CDH9: variants seen among roughly 807,000 people sequenced by gnomAD.
The protein encoded by CDH9 is cadherin 9.
In CDH9, 28 loss-of-function variants were observed where a neutral mutation model predicts 70.9. That is an observed-to-expected ratio of 0.40 (90% CI 0.29 to 0.54). CDH9 has a LOEUF of 0.54. Ranked by LOEUF, CDH9 falls within the 20% of genes least tolerant of loss-of-function variation. The pLI, the probability that CDH9 is intolerant of heterozygous loss-of-function variation, is 0.59. For missense variants in CDH9, 874 were observed against 984.4 expected, an observed-to-expected ratio of 0.89 and a Z score of 1.50; for synonymous variants, 409 against 343.1, an observed-to-expected ratio of 1.19 and a Z score of -2.12.
intron 2 of CDH9, among the ~76,000 whole-genome samples, chr5:26,953,971 A>C (rs1351607384): frequency 6.6e-6 from 1 of 150,896 alleles, no homozygotes; most frequent in Non-Finnish European, 1.5e-5. Flanking sequence ...CATAGATCAA[A>C]AAAATAAATA....
intron 1 of CDH9, among the ~76,000 whole-genome samples, chr5:27,000,122 G>A (rs1025807406): frequency 6.6e-6 from 1 of 152,052 alleles, no homozygotes; most frequent in African/African-American, 2.4e-5. Flanking sequence ...GAAAATATTT[G>A]TAACACATAT....
At chr5:26,982,722 T>G (rs1742419861) in intron 2 of CDH9, among the ~76,000 whole-genome samples, 1 of 152,022 alleles carries the variant, frequency 6.6e-6, no homozygotes, top group Admixed American at 6.6e-5. Flanking sequence ...GGAGTCTTGC[T>G]CCATCGCCCA....
At chr5:26,912,629 A>G (rs1433541018) in intron 3 of CDH9, among the ~76,000 whole-genome samples, 1 of 152,002 alleles carries the variant, frequency 6.6e-6, no homozygotes, top group Non-Finnish European at 1.5e-5. Flanking sequence ...AATAAATAAG[A>G]AAGATACTAA....
At chr5:26,994,568 G>GT (rs551273557) in intron 1 of CDH9, among the ~76,000 whole-genome samples, 560 of 147,634 alleles carry the variant, frequency 3.8e-3, no homozygotes, top group South Asian at 6.3e-3. Flanking sequence ...TGTTTGTTTT[G>GT]TTTTTTTTTG....
At chr5:26,938,164 T>A (rs1445478674) in intron 2 of CDH9, among the ~76,000 whole-genome samples, 1 of 150,484 alleles carries the variant, frequency 6.6e-6, no homozygotes, top group Non-Finnish European at 1.5e-5. Context: ...AAAAATCTAT[T>A]AATTCAAAAC....
chr5:26,958,592 G>A (rs140895647), intron 2 of CDH9, among the ~76,000 whole-genome samples: 2 of 151,992 alleles, frequency 1.3e-5, no homozygotes, highest in Non-Finnish European at 2.9e-5. Flanking sequence ...GAAAACTGGC[G>A]ACCTGTGAAT....
At chr5:27,030,257 A>C (rs1743289786) in intron 1 of CDH9, among the ~76,000 whole-genome samples, 1 of 151,840 alleles carries the variant, frequency 6.6e-6, no homozygotes, top group South Asian at 2.1e-4. Flanking sequence ...GATGGGGGAG[A>C]GGAGAGGAGG....
intron 1 of CDH9, among the ~76,000 whole-genome samples, chr5:27,000,209 G>A (rs927549823): frequency 6.6e-6 from 1 of 152,024 alleles, no homozygotes; most frequent in African/African-American, 2.4e-5. Context: ...ATCATCAAAA[G>A]TTCTGCAAAG....
At chr5:26,901,965 A>G (rs1421796106) in intron 7 of CDH9, among the ~76,000 whole-genome samples, 2 of 151,814 alleles carry the variant, frequency 1.3e-5, no homozygotes, top group East Asian at 3.9e-4. Flanking sequence ...AGGCCCAACA[A>G]TTTTCAAAAG....
At chr5:26,984,752 C>A (rs1561029013) in intron 2 of CDH9, among the ~76,000 whole-genome samples, 1 of 152,070 alleles carries the variant, frequency 6.6e-6, no homozygotes, top group African/African-American at 2.4e-5. Flanking sequence ...ATTATTATGA[C>A]TTTTTTTCCT....
At chr5:26,930,293 T>C (rs141308055) in intron 2 of CDH9, among the ~76,000 whole-genome samples, 7 of 152,212 alleles carry the variant, frequency 4.6e-5, no homozygotes, top group Admixed American at 4.6e-4. Context: ...GGAGATATAA[T>C]TGATAGCCAA....
intron 11 of CDH9, 89 bp downstream of exon 11, chr5:26,885,525 A>T: frequency 9.6e-7 from 1 of 1,045,990 alleles, no homozygotes; most frequent in Non-Finnish European, 1.4e-6. Context: ...CTTTATCTAT[A>T]GAGAAAATTG....
intron 2 of CDH9, among the ~76,000 whole-genome samples, chr5:26,940,398 A>G (rs1432468983): frequency 6.6e-6 from 1 of 152,302 alleles, no homozygotes; most frequent in East Asian, 1.9e-4. Flanking sequence ...TCTATTTAAA[A>G]TAATGCAAAA....
chr5:27,022,500 G>A (rs186063654), intron 1 of CDH9, among the ~76,000 whole-genome samples: 4 of 152,022 alleles, frequency 2.6e-5, no homozygotes, highest in East Asian at 3.9e-4. Flanking sequence ...CATATATAAC[G>A]AGTTCAGTCA....
At chr5:26,972,677 G>A (rs755796448) in intron 2 of CDH9, among the ~76,000 whole-genome samples, 5 of 152,032 alleles carry the variant, frequency 3.3e-5, no homozygotes, top group Non-Finnish European at 7.4e-5. Flanking sequence ...GCTTTTCAGC[G>A]GTCCTGTGAC....
At chr5:26,953,602 A>G (rs1452194146) in intron 2 of CDH9, among the ~76,000 whole-genome samples, 1 of 152,196 alleles carries the variant, frequency 6.6e-6, no homozygotes, top group Non-Finnish European at 1.5e-5. Context: ...AACAATGTCA[A>G]ATGAGCCATT....
chr5:26,888,746 A>G (rs888199388), intron 9 of CDH9, among the ~76,000 whole-genome samples: 1 of 152,182 alleles, frequency 6.6e-6, no homozygotes, highest in African/African-American at 2.4e-5. Flanking sequence ...TGTAAGGTTG[A>G]GATCTAGAGG....
intron 1 of CDH9, among the ~76,000 whole-genome samples, chr5:27,030,017 G>C (rs536340849): frequency 6.6e-6 from 1 of 151,982 alleles, no homozygotes; most frequent in African/African-American, 2.4e-5. Flanking sequence ...TCCATTAAAG[G>C]TAGTAATAAG....
At chr5:26,944,212 G>C (rs976689278) in intron 2 of CDH9, among the ~76,000 whole-genome samples, 1 of 148,860 alleles carries the variant, frequency 6.7e-6, no homozygotes, top group Non-Finnish European at 1.5e-5. Context: ...TTAGATTCTT[G>C]CTATATCTCA....
Sources: allele counts gnomAD v4.1 joint callset (sites outside exome capture counted in the v4.1 genomes callset), GRCh38; gene constraint gnomAD v4.1.1; transcripts MANE v1.5; gene names NCBI Gene and HGNC (gene_info 2026-07-23, HGNC 2026-07-21).